The following PDIA4 variants were observed in gnomAD, a reference collection of about 807,000 sequenced individuals.
PDIA4 encodes protein disulfide isomerase family A member 4, also known as protein disulfide-isomerase A4.
PDIA4 carries 33 observed loss-of-function variants against 62.1 expected under a neutral mutation model. The observed-to-expected ratio is 0.53, with a 90% CI of 0.40 to 0.71. The LOEUF (loss-of-function observed/expected upper bound fraction) is 0.71. Ranked by LOEUF, PDIA4 falls within the 30% of genes least tolerant of loss-of-function variation. The pLI, the probability that PDIA4 is intolerant of heterozygous loss-of-function variation, is 0.00. For missense variants in PDIA4, 804 were observed against 813.6 expected, an observed-to-expected ratio of 0.99 and a Z score of 0.14; for synonymous variants, 341 against 324.1, an observed-to-expected ratio of 1.05 and a Z score of -0.56.
At chr7:149,028,052 C>T in intron 1 of PDIA4, 1 of 638,610 alleles carries the variant, frequency 1.6e-6, no homozygotes, top group South Asian at 1.5e-5. Flanking sequence ...CTCTCCCAGC[C>T]TCGGGTGACA....
At chr7:149,024,585 C>T (rs975926619) in intron 1 of PDIA4, among the ~76,000 whole-genome samples, 4 of 151,832 alleles carry the variant, frequency 2.6e-5, no homozygotes, top group Non-Finnish European at 4.4e-5. Context: ...GAGGCTGAGA[C>T]GGGCAGATCA....
At position 149,004,070 on chromosome 7, in the gene PDIA4, C is replaced by T; in HGVS notation, c.1662G>A (p.Trp554Ter). 1 of 1,614,194 alleles carries T rather than the reference C, an allele frequency of 6.2e-7. No individual in the cohort carries two copies. Among genetic ancestry groups the T allele is most frequent in the East Asian group, 2.2e-5 (1 of 44,888 alleles). ...KDVLIEFYAP[W>*]CGHCKQLEPV... ...GCTCTAGCTGCTTGCAGTGCCCGCA[C>T]CATGGCGCGTAGAACTCGATGAGGA... Residue 554 changes from tryptophan (W) to a stop codon, truncating the protein, a stop_gained, in exon 10 of 10, where the codon TGG (tryptophan) becomes TGA (stop). Coordinates refer to ENST00000652332, the MANE Select transcript of PDIA4 (RefSeq NM_004911.5). LOFTEE classifies it high-confidence loss of function.
chr7:149,020,145 G>A (rs1224658468), intron 2 of PDIA4, among the ~76,000 whole-genome samples: 1 of 152,144 alleles, frequency 6.6e-6, no homozygotes, highest in Non-Finnish European at 1.5e-5. Context: ...ATTTTTAGTA[G>A]AGATGGGGGT....
At chr7:149,005,767 A>C in intron 8 of PDIA4, 130 bp downstream of exon 8, 34 of 668,810 alleles carry the variant, frequency 5.1e-5, no homozygotes, top group Non-Finnish European at 7.4e-5. Context: ...CCAACGTGCA[A>C]GGGCCCCAGG....
At chr7:149,014,399 A>T (rs532261921) in intron 4 of PDIA4, among the ~76,000 whole-genome samples, 4 of 152,052 alleles carry the variant, frequency 2.6e-5, no homozygotes, top group Non-Finnish European at 5.9e-5. Flanking sequence ...GACCCACCAC[A>T]AAATCACCAA....
intron 7 of PDIA4, among the ~76,000 whole-genome samples, chr7:149,007,448 G>C (rs1823801382): frequency 6.6e-6 from 1 of 152,174 alleles, no homozygotes; most frequent in African/African-American, 2.4e-5. Flanking sequence ...GTCTGGGGTG[G>C]GGGGTAGAGC....
chr7:149,019,267 A>T lies in PDIA4; in HGVS notation c.270-70T>A. On this transcript the variant is annotated intron_variant, in intron 2 of 9. Coordinates refer to ENST00000652332, the MANE Select transcript of PDIA4 (RefSeq NM_004911.5). ...TGGGATTTAAATCCAACAATAATAC[A>T]TACCACTTTGGTTTGGATGTGGTTT... 2.7e-6 allele frequency: 3 copies of T among 1,096,040 alleles called. No individual in the cohort carries two copies. The Admixed American group carries it at 5.1e-5, about 19-fold the overall frequency. The allele number at this position is 1,096,040 out of a possible 1,614,324, so 67.9% of individuals were successfully genotyped here. A position where few individuals can be genotyped will look rare whatever the true frequency, so the allele number is the denominator to read the frequency against.
In PDIA4 at chr7:149,011,901, G is replaced by A. The variant is rs533334551; in HGVS notation, c.924C>T (p.Ile308=). 3.7e-6 allele frequency: 6 copies of A among 1,606,360 alleles called. No individual in the cohort carries two copies. In the East Asian group the frequency reaches 1.3e-4, roughly 36 times the overall value. Residue 308 remains isoleucine, a synonymous_variant, in exon 6 of 10, where the codon ATC becomes ATT. Transcript: ENST00000652332. ...CACTCTCCCCCTTAAAGACCCCGAT[G>A]ATGATGACATCGTCTCCATCCTTCA... The part of the protein sequence containing the change: ...EFLKDGDDVI[I]IGVFKGESDP...
chr7:149,007,994 C>T (rs950694792), intron 7 of PDIA4, among the ~76,000 whole-genome samples, 165 bp downstream of exon 7: 3 of 152,228 alleles, frequency 2.0e-5, no homozygotes, highest in Non-Finnish European at 4.4e-5. Flanking sequence ...GACCACAGGC[C>T]GCCTGCAGAA....
intron 1 of PDIA4, among the ~76,000 whole-genome samples, chr7:149,025,557 G>A (rs1434241044): frequency 3.3e-5 from 5 of 152,192 alleles, no homozygotes; most frequent in Non-Finnish European, 1.5e-5. Context: ...AAGGGAGACT[G>A]TATTACACGT....
chr7:149,018,876 C>T, intron 3 of PDIA4, 116 bp downstream of exon 3: 1 of 386,184 alleles, frequency 2.6e-6, no homozygotes, highest in Admixed American at 3.6e-5. Context: ...TTCCAGAGGG[C>T]TAAGGTTCCT....
Position 149,019,157 on chromosome 7 carries a change from T to A in PDIA4, c.310A>T (p.Ile104Phe). 1.9e-6 allele frequency: 3 copies of A among 1,613,914 alleles called. No individual in the cohort carries two copies. The highest frequency in any genetic ancestry group is 1.6e-4 in the Middle Eastern group (1 of 6,062). ...CKQFAPEYEK[I>F]ANILKDKDPP... ...TCTTTATCCTTTAATATGTTGGCAA[T>A]TTTTTCATATTCCGGAGCAAACTGC... is the stretch of plus-strand genomic sequence containing the variant. Residue 104 changes from isoleucine (I) to phenylalanine (F), a missense_variant, in exon 3 of 10, where the codon ATT becomes TTT. Ile to Phe is a conservative substitution (Grantham distance 21). Transcript: ENST00000652332.
At position 149,028,396 on chromosome 7, in the gene PDIA4, T is replaced by C. The variant is rs1358983805; in HGVS notation, c.13A>G (p.Lys5Glu). 1 of 1,518,824 alleles carries C rather than the reference T, an allele frequency of 6.6e-7. No individual in the cohort carries two copies. Among genetic ancestry groups the C allele is most frequent in the Admixed American group, 2.1e-5 (1 of 48,514 alleles). The allele number at this position is 1,518,824 out of a possible 1,614,324, so 94.1% of individuals were successfully genotyped here. ...AAGAGCAGCAGGAGCAGGAAGGCTT[T>C]CCGGGGCCTCATGGTAGCGGGGGCG... MRPR[K>E]AFLLLLLLGL... The change falls in exon 1 of 10, where the codon AAA (lysine) becomes GAA (glutamate). Residue 5 changes from lysine to glutamate, a missense_variant. Coordinates refer to ENST00000652332, the MANE Select transcript of PDIA4 (RefSeq NM_004911.5).
Position 149,003,674 on chromosome 7 carries a change from TAAAAAA to T in PDIA4, c.*114_*119del. On this transcript the variant is annotated 3_prime_UTR_variant, in exon 10 of 10. Coordinates refer to ENST00000652332, the MANE Select transcript of PDIA4 (RefSeq NM_004911.5). ...AGTGAAACACCAAAGTATAAAAAAT[TAAAAAA>T]AAAAAAAAAGGAATCCGAGATACTG... 1.8e-6 allele frequency: 1 copy of T among 542,910 alleles called. No individual in the cohort carries two copies. The highest frequency in any genetic ancestry group is 2.9e-6 in the Non-Finnish European group (1 of 346,324). 33.6% of individuals were successfully genotyped at this position (542,910 alleles called of 1,614,324 possible).
intron 4 of PDIA4, among the ~76,000 whole-genome samples, chr7:149,014,491 C>A (rs1824061457): frequency 6.6e-6 from 1 of 152,134 alleles, no homozygotes; most frequent in Non-Finnish European, 1.5e-5. Context: ...TGAGAGCCGT[C>A]TTCTTCCGCT....
Position 149,004,015 on chromosome 7 carries a change from T to C in PDIA4, c.1717A>G (p.Lys573Glu). 6.2e-7 allele frequency: 1 copy of C among 1,614,228 alleles called. No individual in the cohort carries two copies. Among genetic ancestry groups the C allele is most frequent in the South Asian group, 1.1e-5 (1 of 91,086 alleles). Residue 573 changes from lysine (K) to glutamate (E), a missense_variant, in exon 10 of 10, where the codon AAG (lysine) becomes GAG (glutamate). By Grantham distance (56) the Lys-to-Glu change is moderately conservative (BLOSUM62 1). Coordinates refer to ENST00000652332, the MANE Select transcript of PDIA4 (RefSeq NM_004911.5). ...GCGATGACCAGGCCCTTTTGGCCCT[T>C]GTACTTCTTGGCCAGGCTGTTGTAC... ...PVYNSLAKKYKGQKGLVIAKM... is the reference protein window; with the variant it reads ...PVYNSLAKKYEGQKGLVIAKM...
chr7:149,004,969 G>C (rs1371180039), intron 9 of PDIA4, among the ~76,000 whole-genome samples, 172 bp downstream of exon 9: 1 of 152,296 alleles, frequency 6.6e-6, no homozygotes, highest in East Asian at 1.9e-4. Context: ...GGTCACACCC[G>C]ACATTTCTCT....
At chr7:149,007,755 C>A (rs1823811431) in intron 7 of PDIA4, among the ~76,000 whole-genome samples, 1 of 152,260 alleles carries the variant, frequency 6.6e-6, no homozygotes, top group African/African-American at 2.4e-5. Flanking sequence ...CCCTCTGTAG[C>A]CCCCAGCTGG....
At chr7:149,024,278 A>G (rs569777714) in intron 1 of PDIA4, among the ~76,000 whole-genome samples, 1 of 152,294 alleles carries the variant, frequency 6.6e-6, no homozygotes, top group African/African-American at 2.4e-5. Context: ...TTTTTAAAGA[A>G]TAAACAAAAT....
Sources: allele counts gnomAD v4.1 joint callset (sites outside exome capture counted in the v4.1 genomes callset), GRCh38; gene constraint gnomAD v4.1.1; transcripts MANE v1.5; gene names NCBI Gene and HGNC (gene_info 2026-07-23, HGNC 2026-07-21).